The following SLC9D1 variants were observed in gnomAD, a reference collection of about 807,000 sequenced individuals.
The protein encoded by SLC9D1 is putative LAG1-interacting protein.
At chr13:113,504,613 C>A in the SLC9D1 span, 1 of 152,224 alleles carries the variant, frequency 6.6e-6, no homozygotes, top group African/African-American at 2.4e-5. Flanking sequence ...TGAGTTACTG[C>A]ACTTAGAATA....
chr13:113,517,097 C>T, the SLC9D1 span, among the ~76,000 whole-genome samples: 3 of 152,176 alleles, frequency 2.0e-5, no homozygotes, highest in Non-Finnish European at 2.9e-5. Context: ...CCAGGAAGAG[C>T]GCCCTTGTCT....
At chr13:113,500,877 G>C in the SLC9D1 span, among the ~76,000 whole-genome samples, 2 of 152,232 alleles carry the variant, frequency 1.3e-5, no homozygotes, top group African/African-American at 4.8e-5. Flanking sequence ...GTGGGTCCCA[G>C]GAGGGCTGGG....
At chr13:113,491,538 G>A in the SLC9D1 span, among the ~76,000 whole-genome samples, 1 of 151,826 alleles carries the variant, frequency 6.6e-6, no homozygotes, top group Non-Finnish European at 1.5e-5. Flanking sequence ...CCCTCCCTGG[G>A]GCTCACCTCC....
the SLC9D1 span, among the ~76,000 whole-genome samples, chr13:113,498,850 T>TA: frequency 6.6e-6 from 1 of 152,056 alleles, no homozygotes; most frequent in South Asian, 2.1e-4. Context: ...ACTGGGGTGT[T>TA]ACCAGAAACA....
the SLC9D1 span, among the ~76,000 whole-genome samples, chr13:113,546,121 T>G: frequency 6.6e-6 from 1 of 152,222 alleles, no homozygotes. This position sits in a 1 kb window ranked among gnomAD's most constrained non-coding sequence, Gnocchi z 7.1. Flanking sequence ...TACACTGTTG[T>G]GAGCTTGTCT....
At chr13:113,547,661 C>G in the SLC9D1 span, among the ~76,000 whole-genome samples, 1 of 152,202 alleles carries the variant, frequency 6.6e-6, no homozygotes, top group African/African-American at 2.4e-5. Context: ...TGCAGTCCAG[C>G]CCGTCCTCCT....
chr13:113,492,090 C>T, the SLC9D1 span, among the ~76,000 whole-genome samples: 1 of 152,136 alleles, frequency 6.6e-6, no homozygotes, highest in Non-Finnish European at 1.5e-5. Context: ...AGCGATTCTC[C>T]CGCCTCAGCC....
At chr13:113,531,551 T>A in the SLC9D1 span, among the ~76,000 whole-genome samples, 2 of 148,550 alleles carry the variant, frequency 1.3e-5, no homozygotes, top group African/African-American at 5.1e-5. Flanking sequence ...AGCACACGCG[T>A]GGACCTGCAG....
At chr13:113,545,026 CTTCTCATG>C in the SLC9D1 span, among the ~76,000 whole-genome samples, 590 of 151,964 alleles carry the variant, frequency 3.9e-3, 2 homozygotes, top group Non-Finnish European at 7.1e-3. Flanking sequence ...ATTTCATCCT[CTTCTCATG>C]TTCCCCGCAT....
At chr13:113,495,012 G>A in the SLC9D1 span, among the ~76,000 whole-genome samples, 2 of 152,098 alleles carry the variant, frequency 1.3e-5, no homozygotes, top group Non-Finnish European at 1.5e-5. Context: ...TTACAGGCGT[G>A]CGCCACCAGG....
chr13:113,523,602 T>C, the SLC9D1 span, among the ~76,000 whole-genome samples: 1 of 152,234 alleles, frequency 6.6e-6, no homozygotes, highest in Non-Finnish European at 1.5e-5. Context: ...TTTTATTGAT[T>C]TTCTTTATTT....
At chr13:113,548,167 G>A in the SLC9D1 span, 2 of 946,624 alleles carry the variant, frequency 2.1e-6, no homozygotes, top group Non-Finnish European at 3.2e-6. Flanking sequence ...GAGTGCTTCT[G>A]TGCCTTTCCC....
At chr13:113,515,890 C>CAAA in the SLC9D1 span, among the ~76,000 whole-genome samples, 11 of 79,050 alleles carry the variant, frequency 1.4e-4, no homozygotes, top group East Asian at 4.0e-4. Flanking sequence ...GACTCCGTCC[C>CAAA]AAAAAAAAAA....
At chr13:113,534,086 A>G in the SLC9D1 span, 1 of 1,612,102 alleles carries the variant, frequency 6.2e-7, no homozygotes, top group Middle Eastern at 1.7e-4. Context: ...TTGATTGGTC[A>G]GATTCTTTTT....
chr13:113,501,881 G>A, the SLC9D1 span: 1 of 1,606,160 alleles, frequency 6.2e-7, no homozygotes, highest in South Asian at 1.1e-5. Flanking sequence ...TAGTATTAAG[G>A]TAAGAACAAA....
At chr13:113,543,093 CCCA>C in the SLC9D1 span, among the ~76,000 whole-genome samples, 1 of 103,470 alleles carries the variant, frequency 9.7e-6, no homozygotes, top group African/African-American at 3.9e-5. Flanking sequence ...GTCTGTGACC[CCCA>C]CCTCCTCCCC....
chr13:113,506,415 C>T, the SLC9D1 span, among the ~76,000 whole-genome samples: 5 of 91,154 alleles, frequency 5.5e-5, 1 homozygote, highest in Non-Finnish European at 9.9e-5. Flanking sequence ...GAGTGGGCCG[C>T]GTGGCTGCCT....
the SLC9D1 span, among the ~76,000 whole-genome samples, chr13:113,520,219 C>T: frequency 6.6e-6 from 1 of 152,114 alleles, no homozygotes; most frequent in African/African-American, 2.4e-5. Flanking sequence ...GGAGTAGTGG[C>T]CCATGCCTGT....
chr13:113,491,612 G>T, the SLC9D1 span, among the ~76,000 whole-genome samples: 1 of 152,190 alleles, frequency 6.6e-6, no homozygotes, highest in South Asian at 2.1e-4. Flanking sequence ...CGGGTGGTCT[G>T]TGTGGCCTGG....
Sources: gnomAD v4.1 joint callset for allele counts (sites outside exome capture counted in the v4.1 genomes callset) on GRCh38, gnomAD v4.1.1 for gene constraint, Gnocchi (gnomAD v3.1) non-coding constraint, MANE v1.5 for transcripts, NCBI Gene and HGNC (gene_info 2026-07-23, HGNC 2026-07-21) for gene names.